CFAP61: variants seen among roughly 807,000 people sequenced by gnomAD.
The protein encoded by CFAP61 is cilia and flagella associated protein 61.
A neutral mutation model predicts 135.6 loss-of-function variants in CFAP61; 107 were observed. The ratio of observed to expected loss-of-function variants is 0.79; its 90% CI spans 0.67 to 0.93. CFAP61 has a LOEUF of 0.93. CFAP61 is among the 40% of genes least tolerant of loss of function. The pLI, the probability that CFAP61 is intolerant of heterozygous loss-of-function variation, is 0.00. For synonymous variants in CFAP61, 575 were observed against 578.5 expected, an observed-to-expected ratio of 0.99 and a Z score of 0.09; for missense variants, 1,507 against 1,556.2, an observed-to-expected ratio of 0.97 and a Z score of 0.53.
intron 25 of CFAP61, among the ~76,000 whole-genome samples, chr20:20,328,824 G>A (rs755848265): frequency 6.6e-5 from 10 of 152,090 alleles, no homozygotes; most frequent in Non-Finnish European, 1.3e-4. Context: ...AATCAAAATC[G>A]GAATGAGATG....
At chr20:20,066,931 T>C (rs959146691) in intron 2 of CFAP61, among the ~76,000 whole-genome samples, 1 of 152,160 alleles carries the variant, frequency 6.6e-6, no homozygotes, top group Non-Finnish European at 1.5e-5. Context: ...AGGAAACTTT[T>C]TGTGATGATG....
chr20:20,158,095 G>T (rs1247617666), intron 9 of CFAP61, among the ~76,000 whole-genome samples: 7 of 147,820 alleles, frequency 4.7e-5, no homozygotes, highest in African/African-American at 1.7e-4. Context: ...CTGTGGTGGG[G>T]TGGGGGGAGG....
At chr20:20,138,525 T>C (rs1443357297) in intron 8 of CFAP61, among the ~76,000 whole-genome samples, 1 of 151,624 alleles carries the variant, frequency 6.6e-6, no homozygotes, top group African/African-American at 2.4e-5. Context: ...TCACTGCACT[T>C]TCTCTCCCCA....
At chr20:20,298,686 G>T (rs537359775) in intron 25 of CFAP61, among the ~76,000 whole-genome samples, 3 of 152,292 alleles carry the variant, frequency 2.0e-5, no homozygotes, top group African/African-American at 7.2e-5. Context: ...TTCCACACGG[G>T]GCTGCTAAGA....
chr20:20,353,276 A>G (rs552239287), intron 26 of CFAP61, among the ~76,000 whole-genome samples: 3 of 152,286 alleles, frequency 2.0e-5, no homozygotes, highest in East Asian at 3.9e-4. Context: ...ACACTATGCT[A>G]AGTGAAAAGA....
intron 9 of CFAP61, among the ~76,000 whole-genome samples, chr20:20,152,839 T>C (rs932472702): frequency 6.6e-6 from 1 of 152,028 alleles, no homozygotes; most frequent in African/African-American, 2.4e-5. Context: ...ACAAAAAAAA[T>C]GCACTTAAAC....
intron 25 of CFAP61, among the ~76,000 whole-genome samples, chr20:20,309,134 T>G (rs1479243232): frequency 1.3e-5 from 2 of 152,212 alleles, no homozygotes; most frequent in Non-Finnish European, 2.9e-5. Flanking sequence ...GCAGTAGGGA[T>G]TCACAGGTGC....
intron 25 of CFAP61, among the ~76,000 whole-genome samples, chr20:20,316,055 G>GT (rs1348999447): frequency 2.4e-4 from 36 of 152,122 alleles, no homozygotes; most frequent in African/African-American, 8.4e-4. Flanking sequence ...CTTTAAAGTA[G>GT]TTTTTTCCAA....
At chr20:20,332,353 G>A (rs772750353) in intron 25 of CFAP61, among the ~76,000 whole-genome samples, 7 of 152,224 alleles carry the variant, frequency 4.6e-5, no homozygotes, top group Non-Finnish European at 8.8e-5. Context: ...AGTCAGACAG[G>A]TCAGAAGAAA....
At chr20:20,124,904 A>G (rs541065293) in intron 8 of CFAP61, among the ~76,000 whole-genome samples, 1 of 151,650 alleles carries the variant, frequency 6.6e-6, no homozygotes, top group Admixed American at 6.6e-5. Flanking sequence ...ACTGCTTATT[A>G]TTGGTCTATT....
At chr20:20,341,261 G>A (rs2058435358) in intron 25 of CFAP61, among the ~76,000 whole-genome samples, 1 of 152,126 alleles carries the variant, frequency 6.6e-6, no homozygotes, top group Non-Finnish European at 1.5e-5. Context: ...TAATCTTATT[G>A]TTCTCCATAT....
intron 25 of CFAP61, among the ~76,000 whole-genome samples, chr20:20,334,925 A>G (rs1027963480): frequency 6.6e-6 from 1 of 152,172 alleles, no homozygotes; most frequent in Non-Finnish European, 1.5e-5. Flanking sequence ...CTCATTTCCA[A>G]GCAAACCCAG....
At chr20:20,091,120 C>T (rs1226999300) in intron 7 of CFAP61, 144 bp downstream of exon 7, 2 of 903,154 alleles carry the variant, frequency 2.2e-6, no homozygotes, top group Non-Finnish European at 3.5e-6. Flanking sequence ...CCAGGTGGTG[C>T]ACCAGGCCAG....
rs1475945310 is a variant in CFAP61 at position 20,341,933 on chromosome 20, T to G, written c.3513+12T>G. 1 of 1,565,022 alleles carries G rather than the reference T, an allele frequency of 6.4e-7. No homozygotes were observed. The highest frequency in any genetic ancestry group is 8.8e-7 in the Non-Finnish European group (1 of 1,136,946). ...TAGCCTCCAAGGAGGTAAGAGTGATTAATGGATATGTGGATTATTCCTTGC... is the reference window on the plus strand; with the variant it reads ...TAGCCTCCAAGGAGGTAAGAGTGATGAATGGATATGTGGATTATTCCTTGC... On this transcript the variant is annotated intron_variant, in intron 26 of 26. Transcript: ENST00000245957.
chr20:20,269,826 T>A (rs2053203634), intron 21 of CFAP61, among the ~76,000 whole-genome samples: 1 of 152,222 alleles, frequency 6.6e-6, no homozygotes, highest in Non-Finnish European at 1.5e-5. Flanking sequence ...CATCTGCAAG[T>A]GTACTGCAGT....
intron 9 of CFAP61, 116 bp from the exon 10 acceptor site, chr20:20,159,254 C>CA (rs2053200427): frequency 1.0e-5 from 9 of 872,132 alleles, no homozygotes; most frequent in Non-Finnish European, 1.7e-5. Flanking sequence ...CCCAATGCCA[C>CA]AAGGCCAGTA....
chr20:20,346,972 C>T (rs187616202), intron 26 of CFAP61, among the ~76,000 whole-genome samples: 11 of 152,246 alleles, frequency 7.2e-5, no homozygotes, highest in East Asian at 1.9e-4. Context: ...CAAGTGCACA[C>T]GGAACATTCT....
intron 25 of CFAP61, among the ~76,000 whole-genome samples, chr20:20,299,957 T>C (rs1003885403): frequency 6.6e-6 from 1 of 152,224 alleles, no homozygotes; most frequent in African/African-American, 2.4e-5. Flanking sequence ...GCCCAAATGT[T>C]TCCCAAGTAT....
At chr20:20,299,318 C>T (rs751304848) in intron 25 of CFAP61, among the ~76,000 whole-genome samples, 5 of 152,178 alleles carry the variant, frequency 3.3e-5, no homozygotes, top group Non-Finnish European at 7.3e-5. Context: ...CCCTCATCTT[C>T]GTGGAGGTAG....
Sources: allele counts gnomAD v4.1 joint callset (sites outside exome capture counted in the v4.1 genomes callset), GRCh38; gene constraint gnomAD v4.1.1; transcripts MANE v1.5; gene names NCBI Gene and HGNC (gene_info 2026-07-23, HGNC 2026-07-21).